RNF185: variants seen among roughly 807,000 people sequenced by gnomAD.
The protein encoded by RNF185 is E3 ubiquitin-protein ligase RNF185.
A neutral mutation model predicts 24.9 loss-of-function variants in RNF185; 13 were observed. The observed-to-expected ratio is 0.52, with a 90% CI of 0.34 to 0.83. RNF185 has a LOEUF of 0.83. Among genes scored for constraint, RNF185 ranks in the 40% least tolerant of loss-of-function variants. The pLI, the probability that RNF185 is intolerant of heterozygous loss-of-function variation, is 0.01. For synonymous variants in RNF185, 79 were observed against 90.3 expected, an observed-to-expected ratio of 0.88 and a Z score of 0.71; for missense variants, 184 against 244.7, an observed-to-expected ratio of 0.75 and a Z score of 1.65.
At chr22:31,183,974 T>C (rs1344512456) in intron 1 of RNF185, among the ~76,000 whole-genome samples, 1 of 902 alleles carries the variant, frequency 1.1e-3, no homozygotes, top group African/African-American at 3.5e-3. Context: ...AGGCGGGGGC[T>C]GCCCCGAGCT....
chr22:31,171,478 G>A (rs2047929440), intron 1 of RNF185, among the ~76,000 whole-genome samples: 1 of 151,984 alleles, frequency 6.6e-6, no homozygotes, highest in African/African-American at 2.4e-5. Flanking sequence ...ACTGCACCCA[G>A]CCCTGATTTA....
intron 1 of RNF185, among the ~76,000 whole-genome samples, chr22:31,184,042 G>A (rs369432887): frequency 2.0e-5 from 3 of 149,730 alleles, no homozygotes; most frequent in East Asian, 2.0e-4. Context: ...CGGACGGGGC[G>A]GCTGGCCGGT....
At chr22:31,163,416 C>T (rs1345323213) in intron 1 of RNF185, among the ~76,000 whole-genome samples, 1 of 152,010 alleles carries the variant, frequency 6.6e-6, no homozygotes, top group Non-Finnish European at 1.5e-5. Flanking sequence ...CAGCCTTGAC[C>T]TCCTGGGCTG....
intron 3 of RNF185, among the ~76,000 whole-genome samples, chr22:31,193,800 A>AAAAG (rs35317405): frequency 0.79 from 119,429 of 150,692 alleles, 48,204 homozygotes; most frequent in African/African-American, 0.95. Flanking sequence ...TTTCGAGAAA[A>AAAAG]AAAACCAAAA....
chr22:31,204,211 C>T (rs963544766), intron 6 of RNF185, among the ~76,000 whole-genome samples: 48 of 145,940 alleles, frequency 3.3e-4, no homozygotes, highest in African/African-American at 1.1e-3. Flanking sequence ...GGCTTGGTGG[C>T]GCACACCTGT....
rs1399712838 is a variant in RNF185 at position 31,205,841 on chromosome 22, G to A, written c.*1255G>A. The A allele has an allele frequency of 9.2e-5, 14 of 152,570 alleles. No homozygotes were observed. The highest frequency in any genetic ancestry group is 3.4e-4 in the African/African-American group (14 of 41,578). 9.5% of individuals were successfully genotyped at this position (152,570 alleles called of 1,614,324 possible). ...GTCTTCCCTCCTGTGGAATCGAGGGGAAATTATTCTTCCCAATACCTTGAT... is the reference window on the plus strand; with the variant it reads ...GTCTTCCCTCCTGTGGAATCGAGGGAAAATTATTCTTCCCAATACCTTGAT... On this transcript the variant is annotated 3_prime_UTR_variant, in exon 7 of 7. Transcript: ENST00000326132.
chr22:31,188,552 C>T (rs1024537970), intron 2 of RNF185, among the ~76,000 whole-genome samples: 1 of 152,126 alleles, frequency 6.6e-6, no homozygotes, highest in African/African-American at 2.4e-5. Context: ...TATGGCTGGG[C>T]TCAGTGGCTC....
chr22:31,184,960 G>A (rs1195406628), intron 1 of RNF185, among the ~76,000 whole-genome samples: 2 of 146,996 alleles, frequency 1.4e-5, no homozygotes, highest in African/African-American at 2.5e-5. Context: ...GGGAGGGAGA[G>A]CAATTTTTAA....
At chr22:31,165,545 T>A (rs542486278) in intron 1 of RNF185, among the ~76,000 whole-genome samples, 16 of 152,358 alleles carry the variant, frequency 1.1e-4, no homozygotes, top group African/African-American at 3.8e-4. Context: ...TCTGAGGCAA[T>A]GCCAGTATGT....
At chr22:31,161,221 C>A (rs916049085) in intron 1 of RNF185, among the ~76,000 whole-genome samples, 3 of 152,160 alleles carry the variant, frequency 2.0e-5, no homozygotes. Context: ...TCAGAGGTGA[C>A]CACCGATGGA....
intron 1 of RNF185, among the ~76,000 whole-genome samples, chr22:31,176,238 CA>C (rs956037590): frequency 2.0e-5 from 3 of 151,276 alleles, no homozygotes; most frequent in African/African-American, 7.3e-5. Flanking sequence ...CAAATAAATT[CA>C]ATTTTTTTTT....
At chr22:31,184,934 G>A (rs2048083394) in intron 1 of RNF185, among the ~76,000 whole-genome samples, 1 of 146,794 alleles carries the variant, frequency 6.8e-6, no homozygotes, top group Non-Finnish European at 1.5e-5. Context: ...GTGCAAAGGG[G>A]AGAGGGAGGG....
intron 1 of RNF185, among the ~76,000 whole-genome samples, chr22:31,170,974 A>G (rs901880714): frequency 1.3e-5 from 2 of 151,658 alleles, no homozygotes; most frequent in African/African-American, 4.8e-5. Context: ...TTAAAGATGG[A>G]CAGGTCTCTG....
At chr22:31,187,004 G>T in intron 1 of RNF185, 43 bp from the exon 2 acceptor site, 1 of 1,326,502 alleles carries the variant, frequency 7.5e-7, no homozygotes, top group Non-Finnish European at 1.0e-6. Flanking sequence ...GCTGGGGGGA[G>T]AGGGCTGCAG....
chr22:31,189,498 T>C (rs2048135054), intron 2 of RNF185, among the ~76,000 whole-genome samples: 2 of 151,674 alleles, frequency 1.3e-5, no homozygotes, highest in Admixed American at 1.3e-4. Flanking sequence ...GGCTTCGCCA[T>C]GCTGGCCAAG....
At chr22:31,201,680 G>T in intron 6 of RNF185, 65 bp downstream of exon 6, 1 of 1,098,868 alleles carries the variant, frequency 9.1e-7, no homozygotes, top group Non-Finnish European at 1.4e-6. Flanking sequence ...AAGCTCCTTG[G>T]AATTCAGCAG....
At chr22:31,199,123 G>T (rs2048238103) in intron 5 of RNF185, among the ~76,000 whole-genome samples, 2 of 150,796 alleles carry the variant, frequency 1.3e-5, no homozygotes, top group African/African-American at 4.9e-5. Context: ...AAGAAAGAAA[G>T]AAATTAAGGT....
At chr22:31,172,134 T>G (rs989792905) in intron 1 of RNF185, among the ~76,000 whole-genome samples, 2 of 152,126 alleles carry the variant, frequency 1.3e-5, no homozygotes, top group African/African-American at 4.8e-5. Context: ...AGGTAAAATA[T>G]GAATTAATGA....
intron 1 of RNF185, among the ~76,000 whole-genome samples, chr22:31,185,005 C>T (rs1007491821): frequency 6.8e-6 from 1 of 147,622 alleles, no homozygotes; most frequent in Non-Finnish European, 1.5e-5. Context: ...TAAAAAGAAA[C>T]ACACATAGGT....
Sources: gnomAD v4.1 joint callset for allele counts (sites outside exome capture counted in the v4.1 genomes callset) on GRCh38, gnomAD v4.1.1 for gene constraint, MANE v1.5 for transcripts, NCBI Gene and HGNC (gene_info 2026-07-23, HGNC 2026-07-21) for gene names.